MAGI2: variants seen among roughly 807,000 people sequenced by gnomAD.
MAGI2 encodes membrane-associated guanylate kinase, WW and PDZ domain-containing protein 2.
Under a neutral mutation model 133.3 loss-of-function variants are expected in MAGI2, and 35 were observed. That is an observed-to-expected ratio of 0.26 (90% confidence interval 0.20 to 0.35). The LOEUF is 0.35. MAGI2 is among the 10% of genes least tolerant of loss of function. The pLI, the probability that MAGI2 is intolerant of heterozygous loss-of-function variation, is 1.00. For synonymous variants in MAGI2, 729 were observed against 710.6 expected (o/e 1.03, Z -0.41); for missense variants, 1,636 against 1,863.4 (o/e 0.88, Z 2.25).
At chr7:78,520,869 T>C (rs780019561) in intron 4 of MAGI2, among the ~76,000 whole-genome samples, 3 of 152,176 alleles carry the variant, frequency 2.0e-5, no homozygotes, top group Non-Finnish European at 4.4e-5. Flanking sequence ...AAAGATACAT[T>C]CTTCATGTTT....
At chr7:78,404,214 A>G (rs1389801190) in intron 6 of MAGI2, among the ~76,000 whole-genome samples, 3 of 152,216 alleles carry the variant, frequency 2.0e-5, no homozygotes, top group Admixed American at 1.3e-4. Flanking sequence ...GGATAGGAAG[A>G]ATCAATATCG....
At chr7:78,937,676 T>C (rs1800621556) in intron 2 of MAGI2, among the ~76,000 whole-genome samples, 1 of 152,094 alleles carries the variant, frequency 6.6e-6, no homozygotes, top group Non-Finnish European at 1.5e-5. Flanking sequence ...AAGCAACAGA[T>C]TATTTAGTAG....
chr7:79,287,565 CT>C (rs796114253), intron 1 of MAGI2, among the ~76,000 whole-genome samples: 1 of 152,054 alleles, frequency 6.6e-6, no homozygotes, highest in Non-Finnish European at 1.5e-5. Flanking sequence ...TGAATATCAA[CT>C]TTTTTCTGAG....
chr7:78,628,321 G>A (rs1190118590), intron 2 of MAGI2, among the ~76,000 whole-genome samples: 1 of 151,988 alleles, frequency 6.6e-6, no homozygotes, highest in East Asian at 1.9e-4. Flanking sequence ...ATATAAGGTA[G>A]TACATTGGCA....
intron 16 of MAGI2, chr7:78,159,687 C>G (rs180919116): frequency 5.8e-6 from 1 of 173,318 alleles, no homozygotes; most frequent in East Asian, 1.5e-4. Context: ...CAGAACATTC[C>G]CTGACCAACC....
At chr7:79,155,983 A>G (rs1823742437) in intron 1 of MAGI2, among the ~76,000 whole-genome samples, 1 of 152,180 alleles carries the variant, frequency 6.6e-6, no homozygotes, top group Non-Finnish European at 1.5e-5. Context: ...AACATTTGGT[A>G]TAACTCATTT....
At chr7:78,186,655 G>A (rs1373184156) in intron 12 of MAGI2, among the ~76,000 whole-genome samples, 1 of 152,090 alleles carries the variant, frequency 6.6e-6, no homozygotes, top group Non-Finnish European at 1.5e-5. Context: ...AGATGGTTAA[G>A]ACCCAAAATG....
intron 1 of MAGI2, among the ~76,000 whole-genome samples, chr7:79,220,033 G>A (rs747959709): frequency 6.6e-6 from 1 of 151,958 alleles, no homozygotes; most frequent in Non-Finnish European, 1.5e-5. Flanking sequence ...TTACCAAAAT[G>A]TCTCCCTTAA....
At chr7:78,863,280 G>A (rs73143041) in intron 2 of MAGI2, among the ~76,000 whole-genome samples, 8,327 of 152,288 alleles carry the variant, frequency 0.055, 259 homozygotes, top group African/African-American at 0.076. Context: ...GAATACCTGA[G>A]GCTGGGTGAC....
At chr7:79,362,662 G>T (rs192454239) in intron 1 of MAGI2, among the ~76,000 whole-genome samples, 1 of 151,894 alleles carries the variant, frequency 6.6e-6, no homozygotes. Flanking sequence ...GTAATCTATC[G>T]TATCAACAAG....
At chr7:78,496,118 G>C (rs879312532) in intron 5 of MAGI2, among the ~76,000 whole-genome samples, 2 of 152,046 alleles carry the variant, frequency 1.3e-5, no homozygotes, top group African/African-American at 4.8e-5. Flanking sequence ...ATGGTAATTG[G>C]TAATTTAATT....
chr7:79,208,562 T>C (rs946118902), intron 1 of MAGI2, among the ~76,000 whole-genome samples: 22 of 151,874 alleles, frequency 1.4e-4, no homozygotes, highest in African/African-American at 4.4e-4. Context: ...GAAAAGAGAA[T>C]CCTTGTACAC....
chr7:78,407,680 G>A (rs1470277233), intron 6 of MAGI2, among the ~76,000 whole-genome samples: 2 of 150,028 alleles, frequency 1.3e-5, no homozygotes, highest in Non-Finnish European at 1.5e-5. Flanking sequence ...AAATTCCAAC[G>A]TATTTACTCA....
intron 1 of MAGI2, among the ~76,000 whole-genome samples, chr7:79,439,588 T>C (rs1848369272): frequency 6.6e-6 from 1 of 152,152 alleles, no homozygotes; most frequent in African/African-American, 2.4e-5. Context: ...CCTTCTACTC[T>C]GCATTCTTAG....
At chr7:78,031,281 G>A (rs1809541185) in intron 21 of MAGI2, among the ~76,000 whole-genome samples, 1 of 152,114 alleles carries the variant, frequency 6.6e-6, no homozygotes, top group African/African-American at 2.4e-5. Context: ...TCTTAATTAT[G>A]GTAGTGATGA....
At chr7:78,077,660 G>A (rs1045060878) in intron 21 of MAGI2, among the ~76,000 whole-genome samples, 19 of 144,744 alleles carry the variant, frequency 1.3e-4, no homozygotes, top group African/African-American at 4.4e-4. Flanking sequence ...TAAGTAAGGA[G>A]ATATTAGCTA....
At chr7:78,135,840 C>G (rs964370044) in intron 16 of MAGI2, among the ~76,000 whole-genome samples, 1 of 152,188 alleles carries the variant, frequency 6.6e-6, no homozygotes, top group African/African-American at 2.4e-5. Flanking sequence ...CATCTTACCT[C>G]TTCTTTTTGA....
At chr7:79,390,357 T>G (rs1353646136) in intron 1 of MAGI2, among the ~76,000 whole-genome samples, 4 of 152,198 alleles carry the variant, frequency 2.6e-5, no homozygotes, top group Non-Finnish European at 5.9e-5. Context: ...CTTCTCCATT[T>G]GGAAAGTTTT....
chr7:78,581,282 A>C (rs886297188), intron 3 of MAGI2, among the ~76,000 whole-genome samples: 8 of 152,212 alleles, frequency 5.3e-5, no homozygotes, highest in Non-Finnish European at 1.2e-4. Flanking sequence ...CAAAGGAAGC[A>C]AAGACCTACC....
Sources: allele counts gnomAD v4.1 joint callset (sites outside exome capture counted in the v4.1 genomes callset), GRCh38; gene constraint gnomAD v4.1.1; transcripts MANE v1.5; gene names NCBI Gene and HGNC (gene_info 2026-07-23, HGNC 2026-07-21).